Variants in PREX2 observed in about 807,000 individuals in gnomAD.
The protein encoded by PREX2 is phosphatidylinositol-3,4,5-trisphosphate dependent Rac exchange factor 2, also known as phosphatidylinositol 3,4,5-trisphosphate-dependent Rac exchanger 2 protein.
Under a neutral mutation model 203.2 loss-of-function variants are expected in PREX2, and 107 were observed. The ratio of observed to expected loss-of-function variants is 0.53; its 90% CI spans 0.45 to 0.62. PREX2 has a LOEUF of 0.62. Among genes scored for constraint, PREX2 ranks in the 20% least tolerant of loss-of-function variants. The pLI, the probability that PREX2 is intolerant of heterozygous loss-of-function variation, is 0.00. For synonymous variants in PREX2, 672 were observed against 663.6 expected (o/e 1.01, Z -0.19); for missense variants, 1,777 against 1,955.9 (o/e 0.91, Z 1.72).
chr8:68,187,114 T>TC lies in PREX2; in HGVS notation c.4347-4608_4347-4607insC, dbSNP rs1422825635. On this transcript the variant is annotated intron_variant, in intron 35 of 39. Transcript: ENST00000288368. ...GCTGTTTCTGTAGCAATGCTTCCCT[T>TC]AGGTGGTACTGATGAGCTATGGGCT... 7.2e-3 allele frequency among the ~76,000 whole-genome samples: 1,090 copies of TC among 152,172 alleles called. 11 individuals carry two copies. Among genetic ancestry groups the TC allele is most frequent in the African/African-American group, 0.024 (986 of 41,486 alleles).
At chr8:68,171,374 AT>A (rs1411024655) in intron 35 of PREX2, among the ~76,000 whole-genome samples, 4 of 152,106 alleles carry the variant, frequency 2.6e-5, no homozygotes, top group Non-Finnish European at 5.9e-5. Flanking sequence ...AGAACCATGT[AT>A]TTTGGACAAT....
At chr8:68,214,846 A>G (rs1812803117) in intron 37 of PREX2, among the ~76,000 whole-genome samples, 1 of 152,216 alleles carries the variant, frequency 6.6e-6, no homozygotes, top group Non-Finnish European at 1.5e-5. Flanking sequence ...ATTACAGGCA[A>G]TATTTCCCAC....
intron 7 of PREX2, among the ~76,000 whole-genome samples, chr8:68,039,505 A>T (rs1003984837): frequency 6.6e-6 from 1 of 152,080 alleles, no homozygotes; most frequent in Non-Finnish European, 1.5e-5. Context: ...GATTTTATCC[A>T]GTCCCATCAC....
In PREX2 at chr8:68,220,585, A is replaced by T. The variant is rs557792163; in HGVS notation, c.4707+2867A>T. Reference sequence around the variant, plus strand: ...CCTTATCTCATGGTGGACACATCCAAAGGAAAATCACCATGCCACGGGCAC... The same window carrying T: ...CCTTATCTCATGGTGGACACATCCATAGGAAAATCACCATGCCACGGGCAC... On this transcript the variant is annotated intron_variant, in intron 38 of 39. Transcript: ENST00000288368. Among the ~76,000 whole-genome samples the T allele has an allele frequency of 1.5e-4, 23 of 152,242 alleles. No homozygotes were observed. The South Asian group carries it at 4.2e-3, about 28-fold the overall frequency.
chr8:68,012,226 C>T (rs1156546941), intron 1 of PREX2, among the ~76,000 whole-genome samples: 1 of 152,130 alleles, frequency 6.6e-6, no homozygotes, highest in East Asian at 1.9e-4. Flanking sequence ...TACACTATAA[C>T]AATGTGGTAA....
At chr8:67,968,873 G>T (rs777080788) in intron 1 of PREX2, among the ~76,000 whole-genome samples, 39 of 152,126 alleles carry the variant, frequency 2.6e-4, no homozygotes, top group Non-Finnish European at 4.9e-4. Context: ...AGAATGCAAA[G>T]GATACGGGTG....
rs370219518 is a variant in PREX2 at position 68,044,443 on chromosome 8, C to T, written c.840-44C>T. ...AATATATTGTTTTGACATTGTTTTACATTGTTTAGTAACAAAGTCTTTGTG... is the reference window on the plus strand; with the variant it reads ...AATATATTGTTTTGACATTGTTTTATATTGTTTAGTAACAAAGTCTTTGTG... On this transcript the variant is annotated intron_variant, in intron 7 of 39. Coordinates refer to ENST00000288368, the MANE Select transcript of PREX2 (RefSeq NM_024870.4). 2.2e-6 allele frequency: 3 copies of T among 1,351,322 alleles called. No homozygotes were observed. The East Asian group carries it at 6.9e-5, about 31-fold the overall frequency. 83.7% of individuals were successfully genotyped at this position (1,351,322 alleles called of 1,614,324 possible).
intron 1 of PREX2, among the ~76,000 whole-genome samples, chr8:67,991,516 G>T (rs1806608034): frequency 6.6e-6 from 1 of 152,168 alleles, no homozygotes; most frequent in African/African-American, 2.4e-5. Context: ...TTTACAAGGT[G>T]GGAGGAAGGA....
intron 7 of PREX2, among the ~76,000 whole-genome samples, chr8:68,042,964 G>A (rs1808241974): frequency 6.6e-6 from 1 of 152,066 alleles, no homozygotes; most frequent in Admixed American, 6.6e-5. Flanking sequence ...TTTTGCCTGT[G>A]ACTAAAACTG....
chr8:68,103,669 C>T, intron 23 of PREX2: 1 of 519,372 alleles, frequency 1.9e-6, no homozygotes. Flanking sequence ...TGTATTTTGC[C>T]AAAGTCTATT....
intron 26 of PREX2, among the ~76,000 whole-genome samples, chr8:68,116,817 T>C (rs913552353): frequency 2.0e-5 from 3 of 152,154 alleles, no homozygotes; most frequent in Non-Finnish European, 2.9e-5. Flanking sequence ...ATGAATTTTA[T>C]TGGGAGACCT....
Position 67,952,253 on chromosome 8 carries a change from A to T in PREX2, c.-142A>T. The T allele has an allele frequency of 1.6e-6, 1 of 636,838 alleles. No homozygotes were observed. 39.4% of individuals were successfully genotyped at this position (636,838 alleles called of 1,614,324 possible). On this transcript the variant is annotated 5_prime_UTR_variant, in exon 1 of 40. Coordinates refer to ENST00000288368, the MANE Select transcript of PREX2 (RefSeq NM_024870.4). ...CTCTCCCTGCGCCCAGCCTCTCCCC[A>T]GCATGTAAAGTCTTCTGTCTCTCCT...
At chr8:68,160,197 A>G (rs1057056189) in intron 35 of PREX2, among the ~76,000 whole-genome samples, 5 of 152,130 alleles carry the variant, frequency 3.3e-5, no homozygotes, top group African/African-American at 4.8e-5. Context: ...TCAGAAACCT[A>G]TATTCACATC....
chr8:68,044,681 C>T, intron 8 of PREX2, 91 bp downstream of exon 8: 2 of 891,830 alleles, frequency 2.2e-6, no homozygotes, highest in Non-Finnish European at 1.8e-6. Context: ...ATTCACCTGC[C>T]ATGTATTAGA....
At chr8:68,034,176 A>G (rs1365437070) in intron 6 of PREX2, among the ~76,000 whole-genome samples, 1 of 152,164 alleles carries the variant, frequency 6.6e-6, no homozygotes, top group East Asian at 1.9e-4. Context: ...TTCATTTTTG[A>G]AGTTATGCCT....
intron 1 of PREX2, among the ~76,000 whole-genome samples, chr8:67,985,046 A>AGAGCAACATGACATAGCATGTCAT (rs1806377926): frequency 6.6e-6 from 1 of 151,502 alleles, no homozygotes; most frequent in African/African-American, 2.4e-5. Context: ...ACGTTGTTCC[A>AGAGCAACATGACATAGCATGTCAT]GTGACCAGAG....
intron 4 of PREX2, among the ~76,000 whole-genome samples, chr8:68,025,996 T>G (rs1807704894): frequency 6.6e-6 from 1 of 152,122 alleles, no homozygotes; most frequent in African/African-American, 2.4e-5. Flanking sequence ...GAAATATCAC[T>G]GGAAATATAA....
At position 68,083,302 on chromosome 8, in the gene PREX2, A is replaced by C; in HGVS notation, c.1941A>C (p.Arg647Ser). ...TTAATGGTGACCTAGTTTTTATGAG[A>C]CCTTTCAATGAAGTGGATTGCTTCC... is the stretch of plus-strand genomic sequence containing the variant. The part of the protein sequence containing the change: ...FAINGDLVFM[R>S]PFNEVDCFLK... Residue 647 changes from arginine to serine, a missense_variant, in exon 18 of 40, where the codon AGA becomes AGC. Coordinates refer to ENST00000288368, the MANE Select transcript of PREX2 (RefSeq NM_024870.4). 1 of 1,610,304 alleles carries C rather than the reference A, an allele frequency of 6.2e-7. No homozygotes were observed. The highest frequency in any genetic ancestry group is 2.2e-5 in the East Asian group (1 of 44,828).
chr8:68,105,412 C>G (rs557222789), intron 23 of PREX2: 5 of 1,281,902 alleles, frequency 3.9e-6, no homozygotes, highest in Non-Finnish European at 5.1e-6. Context: ...GTACACAGCC[C>G]TTCCTAGCAT....
Sources: allele counts gnomAD v4.1 joint callset (sites outside exome capture counted in the v4.1 genomes callset), GRCh38; gene constraint gnomAD v4.1.1; transcripts MANE v1.5; gene names NCBI Gene and HGNC (gene_info 2026-07-23, HGNC 2026-07-21).